HAAO: variants seen among roughly 807,000 people sequenced by gnomAD.
The protein encoded by HAAO is 3-hydroxyanthranilate 3,4-dioxygenase.
A neutral mutation model predicts 46.2 loss-of-function variants in HAAO; 49 were observed. That is an observed-to-expected ratio of 1.06 (90% CI 0.84 to 1.34). HAAO has a LOEUF of 1.34. HAAO is among the 40% of genes most tolerant of loss of function. The pLI, the probability that HAAO is intolerant of heterozygous loss-of-function variation, is 0.00. For missense variants in HAAO, 408 were observed against 364.5 expected (o/e 1.12, Z -0.97); for synonymous variants, 157 against 145.2 (o/e 1.08, Z -0.58).
chr2:42,770,283 G>T, intron 5 of HAAO, 97 bp from the exon 6 acceptor site: 1 of 1,048,990 alleles, frequency 9.5e-7, no homozygotes, highest in Non-Finnish European at 1.4e-6. Flanking sequence ...AGGTGCAGGT[G>T]CCCACACACA....
At chr2:42,776,325 T>TAGAG (rs909362681) in intron 4 of HAAO, among the ~76,000 whole-genome samples, 1 of 147,762 alleles carries the variant, frequency 6.8e-6, no homozygotes, top group Non-Finnish European at 1.5e-5. Flanking sequence ...CTGCAACCTC[T>TAGAG]GCCTCCTGGG....
At position 42,783,905 on chromosome 2, in the gene HAAO, T is replaced by G. The variant is rs1471275836; in HGVS notation, c.160-38A>C. 6 of 1,582,618 alleles carry G rather than the reference T, an allele frequency of 3.8e-6. No homozygotes were observed. In the African/African-American group the frequency reaches 6.7e-5, roughly 18 times the overall value. ...AGAGAGGCTTGGACCCTCCGCACTT[T>G]CTCTTCCAGGTCCTTGGCCACTGCC... On this transcript the variant is annotated intron_variant, in intron 2 of 9. Coordinates refer to ENST00000294973, the MANE Select transcript of HAAO (RefSeq NM_012205.3).
chr2:42,788,699 G>A (rs1672570003), intron 1 of HAAO, 92 bp from the exon 2 acceptor site: 3 of 837,836 alleles, frequency 3.6e-6, no homozygotes, highest in East Asian at 4.9e-5. Context: ...GAGCCTGAGG[G>A]CCCCTGGGAG....
intron 2 of HAAO, among the ~76,000 whole-genome samples, chr2:42,788,000 T>G (rs1033644919): frequency 1.3e-5 from 2 of 152,056 alleles, no homozygotes; most frequent in Non-Finnish European, 2.9e-5. Context: ...AGGGCCACCC[T>G]GCCCCAACTC....
chr2:42,771,835 C>T (rs1267432545), intron 4 of HAAO, among the ~76,000 whole-genome samples: 1 of 152,272 alleles, frequency 6.6e-6, no homozygotes, highest in East Asian at 1.9e-4. Context: ...GCTTTACAGA[C>T]ACACAGTGCA....
chr2:42,780,470 T>C (rs930558748), intron 4 of HAAO, among the ~76,000 whole-genome samples: 2 of 151,782 alleles, frequency 1.3e-5, no homozygotes, highest in African/African-American at 4.8e-5. Context: ...CTTCCCAAAG[T>C]GCTGGGATTA....
chr2:42,787,823 G>A (rs1434015462), intron 2 of HAAO, among the ~76,000 whole-genome samples: 2 of 152,018 alleles, frequency 1.3e-5, no homozygotes, highest in Non-Finnish European at 2.9e-5. Context: ...CTCCTTAAGG[G>A]GACACACCTT....
intron 4 of HAAO, among the ~76,000 whole-genome samples, chr2:42,776,933 G>A (rs1462538293): frequency 1.3e-5 from 2 of 151,822 alleles, no homozygotes; most frequent in Admixed American, 6.6e-5. Flanking sequence ...TGTCCGGCGA[G>A]TTGTTTCCTT....
At chr2:42,776,686 G>A (rs1373335138) in intron 4 of HAAO, among the ~76,000 whole-genome samples, 1 of 147,732 alleles carries the variant, frequency 6.8e-6, no homozygotes. Flanking sequence ...AGGCTGGAGT[G>A]CAGTGGCGTG....
Position 42,767,365 on chromosome 2 carries a change from G to C in HAAO, c.*72C>G, listed in dbSNP as rs13032819. 0.013 allele frequency: 12,881 copies of C among 1,007,216 alleles called. 123 individuals are homozygous for C. The highest frequency in any genetic ancestry group is 0.016 in the Non-Finnish European group (10,518 of 640,912). 62.4% of individuals were successfully genotyped at this position (1,007,216 alleles called of 1,614,324 possible). A position where few individuals can be genotyped will look rare whatever the true frequency, so the allele number is the denominator to read the frequency against. ...CACAGAGAGGTAGTGGGGGCTGGGAGAGTTGTTTGGCAGGGATGGCACTCG... is the reference window on the plus strand; with the variant it reads ...CACAGAGAGGTAGTGGGGGCTGGGACAGTTGTTTGGCAGGGATGGCACTCG... On this transcript the variant is annotated 3_prime_UTR_variant, in exon 10 of 10. Coordinates refer to ENST00000294973, the MANE Select transcript of HAAO (RefSeq NM_012205.3).
At chr2:42,786,250 G>A (rs1672377861) in intron 2 of HAAO, among the ~76,000 whole-genome samples, 1 of 152,114 alleles carries the variant, frequency 6.6e-6, no homozygotes, top group African/African-American at 2.4e-5. Flanking sequence ...TGTGATGAGG[G>A]GCAGGCCTGG....
intron 2 of HAAO, among the ~76,000 whole-genome samples, chr2:42,787,455 C>T (rs770293440): frequency 1.3e-5 from 2 of 152,152 alleles, no homozygotes; most frequent in Non-Finnish European, 2.9e-5. Context: ...TGACTTTTTC[C>T]ACCAAGGAAA....
At chr2:42,790,074 T>A (rs1213383582) in intron 1 of HAAO, among the ~76,000 whole-genome samples, 1 of 152,070 alleles carries the variant, frequency 6.6e-6, no homozygotes, top group Non-Finnish European at 1.5e-5. Context: ...GGAGGGGCTA[T>A]GGGGGAGGTC....
intron 7 of HAAO, 136 bp downstream of exon 7, chr2:42,769,576 TG>T: frequency 1.8e-5 from 1 of 55,938 alleles, no homozygotes; most frequent in African/African-American, 5.1e-4. Context: ...GAAATGTGTG[TG>T]TGTGTGTGTG....
chr2:42,783,898 C>T lies in HAAO; in HGVS notation c.160-31G>A, dbSNP rs372888310. On this transcript the variant is annotated intron_variant, in intron 2 of 9. Coordinates refer to ENST00000294973, the MANE Select transcript of HAAO (RefSeq NM_012205.3). Reference sequence around the variant, plus strand: ...GGACAGGAGAGAGGCTTGGACCCTCCGCACTTTCTCTTCCAGGTCCTTGGC... The same window carrying T: ...GGACAGGAGAGAGGCTTGGACCCTCTGCACTTTCTCTTCCAGGTCCTTGGC... 113 of 1,588,206 alleles carry T rather than the reference C, an allele frequency of 7.1e-5. No homozygotes were observed. The East Asian group carries it at 1.1e-3, about 15-fold the overall frequency.
intron 1 of HAAO, among the ~76,000 whole-genome samples, chr2:42,789,757 C>T (rs924419269): frequency 2.0e-5 from 3 of 152,182 alleles, no homozygotes; most frequent in Non-Finnish European, 4.4e-5. Flanking sequence ...GGTTCCCAAA[C>T]TCCTCAGTCT....
rs564274074 is a variant in HAAO, at chr2:42,770,368, C to T, written c.440+125G>A. ...CGGGGCTGCTGCTCCCCCCTCCCCC[C>T]GGCCTGGCAGTGGGCTCTCTGGGCC... On this transcript the variant is annotated intron_variant, in intron 5 of 9. Coordinates refer to ENST00000294973, the MANE Select transcript of HAAO (RefSeq NM_012205.3). 117 of 907,256 alleles carry T rather than the reference C, an allele frequency of 1.3e-4. 1 individual carries two copies. Among genetic ancestry groups the T allele is most frequent in the South Asian group, 1.2e-3 (76 of 61,820 alleles). 56.2% of individuals were successfully genotyped at this position (907,256 alleles called of 1,614,324 possible).
intron 2 of HAAO, among the ~76,000 whole-genome samples, chr2:42,787,979 C>T (rs737148): frequency 0.24 from 37,124 of 151,856 alleles, 5,097 homozygotes; most frequent in East Asian, 0.59. Context: ...TTTGCAGCCT[C>T]TAGTTAAGGA....
chr2:42,790,349 G>A (rs763717639), intron 1 of HAAO, among the ~76,000 whole-genome samples: 9 of 151,910 alleles, frequency 5.9e-5, no homozygotes, highest in Non-Finnish European at 8.8e-5. Flanking sequence ...TTCAAGGAGG[G>A]GAGGGAAGCC....
Sources: allele counts gnomAD v4.1 joint callset (sites outside exome capture counted in the v4.1 genomes callset), GRCh38; gene constraint gnomAD v4.1.1; transcripts MANE v1.5; gene names NCBI Gene and HGNC (gene_info 2026-07-23, HGNC 2026-07-21).